The following PSMA1 variants were observed in gnomAD, a reference collection of about 807,000 sequenced individuals.
PSMA1 encodes proteasome subunit alpha type-1.
In PSMA1, 3 loss-of-function variants were observed where a neutral mutation model predicts 38.4. The observed-to-expected ratio is 0.08, with a 90% CI of 0.04 to 0.20. The LOEUF (loss-of-function observed/expected upper bound fraction) is 0.20. Among genes scored for constraint, PSMA1 ranks in the 10% least tolerant of loss-of-function variants. PSMA1 has a pLI of 1.00. For synonymous variants in PSMA1, 101 were observed against 107.1 expected (o/e 0.94, Z 0.35); for missense variants, 227 against 325.3 (o/e 0.70, Z 2.32).
intron 7 of PSMA1, among the ~76,000 whole-genome samples, chr11:14,512,659 A>G (rs912907041): frequency 6.6e-6 from 1 of 152,200 alleles, no homozygotes; most frequent in Non-Finnish European, 1.5e-5. Context: ...TATGGGAAGG[A>G]AAGAGCATAA....
intron 2 of PSMA1, among the ~76,000 whole-genome samples, chr11:14,571,900 A>G (rs911654075): frequency 1.6e-4 from 25 of 152,188 alleles, no homozygotes; most frequent in Non-Finnish European, 1.6e-4. Flanking sequence ...GCCAACAAAG[A>G]TCAAAAGAGA....
At chr11:14,541,628 A>G (rs894612913) in intron 2 of PSMA1, among the ~76,000 whole-genome samples, 2 of 152,188 alleles carry the variant, frequency 1.3e-5, no homozygotes, top group Non-Finnish European at 2.9e-5. Context: ...CACATTCTTG[A>G]TACCTTTTGG....
At chr11:14,564,374 A>G (rs1166267548) in intron 2 of PSMA1, among the ~76,000 whole-genome samples, 2 of 152,150 alleles carry the variant, frequency 1.3e-5, no homozygotes, top group Admixed American at 6.5e-5. Flanking sequence ...TGCATTGATA[A>G]TGTGTTCTTT....
intron 2 of PSMA1, among the ~76,000 whole-genome samples, chr11:14,527,850 G>A (rs1048911897): frequency 6.6e-6 from 1 of 152,092 alleles, no homozygotes; most frequent in African/African-American, 2.4e-5. Flanking sequence ...CTCTCTTTAA[G>A]TGGATAGAAG....
Position 14,638,506 on chromosome 11 carries a change from CCT to C in PSMA1, c.-166+4947_-166+4948del, listed in dbSNP as rs374243163. On this transcript the variant is annotated intron_variant, in intron 1 of 10. Transcript: ENST00000418988. The stretch of plus-strand genomic sequence containing the variant: ...TAAGTTGGCTTAGTGGAGAAACACA[CCT>C]CTCTCTCTCTCTCTCTCTCTCTCTC... Among the ~76,000 whole-genome samples the C allele has an allele frequency of 6.2e-3, 198 of 31,900 alleles. 3 individuals carry two copies. The highest frequency in any genetic ancestry group is 0.029 in the East Asian group (38 of 1,304). The allele number at this position is 31,900 out of a possible 152,430, so 20.9% of individuals were successfully genotyped here.
intron 2 of PSMA1, among the ~76,000 whole-genome samples, chr11:14,549,460 GGGAGGCCAAGGCA>G (rs1851862592): frequency 6.6e-6 from 1 of 151,970 alleles, no homozygotes; most frequent in South Asian, 2.1e-4. Flanking sequence ...CCAGCACTTT[GGGAGGCCAAGGCA>G]GGAGGATCAC....
At chr11:14,506,857 C>T (rs1258882465) in intron 9 of PSMA1, among the ~76,000 whole-genome samples, 1 of 152,122 alleles carries the variant, frequency 6.6e-6, no homozygotes, top group Non-Finnish European at 1.5e-5. Context: ...AAGAAGCGGC[C>T]CTGAAACTAC....
chr11:14,631,421 A>G (rs532066885), intron 1 of PSMA1, among the ~76,000 whole-genome samples: 3,376 of 151,214 alleles, frequency 0.022, 160 homozygotes, highest in African/African-American at 0.078. Flanking sequence ...ATTTTGTTAT[A>G]TACCCAGTAG....
At chr11:14,549,388 G>A (rs1284565896) in intron 2 of PSMA1, among the ~76,000 whole-genome samples, 1 of 152,068 alleles carries the variant, frequency 6.6e-6, no homozygotes, top group Non-Finnish European at 1.5e-5. Context: ...GTGATTTCCT[G>A]AAATGGAAAT....
intron 9 of PSMA1, among the ~76,000 whole-genome samples, chr11:14,505,565 C>T (rs574975779): frequency 1.8e-4 from 27 of 149,916 alleles, no homozygotes; most frequent in Admixed American, 2.6e-4. Context: ...TTTGCTTTTA[C>T]TCTAACATTG....
intron 1 of PSMA1, among the ~76,000 whole-genome samples, chr11:14,614,270 C>G (rs1443276411): frequency 6.6e-6 from 1 of 151,868 alleles, no homozygotes; most frequent in Non-Finnish European, 1.5e-5. Context: ...AAAACTCTCC[C>G]CTGGTAAGAA....
chr11:14,579,509 T>C (rs1473350), intron 2 of PSMA1, among the ~76,000 whole-genome samples: 65,757 of 124,518 alleles, frequency 0.53, 15,914 homozygotes, highest in African/African-American at 0.62. Context: ...TTTTTTTTTT[T>C]AAATAAGGTA....
At chr11:14,598,703 C>T (rs1390720944) in intron 2 of PSMA1, among the ~76,000 whole-genome samples, 2 of 148,354 alleles carry the variant, frequency 1.3e-5, no homozygotes, top group Non-Finnish European at 3.0e-5. Context: ...TCTAGTTTGC[C>T]AGTATGTGTC....
At position 14,536,253 on chromosome 11, in the gene PSMA1, G is replaced by A. The variant is rs1046401204; in HGVS notation, c.22-17212C>T. ...AAAATAAACCTCTCTTAGGCCGCGC[G>A]AGGTGGCTCACGCCTGTAATCCCAG... On this transcript the variant is annotated intron_variant, in intron 2 of 10. Transcript: ENST00000418988. Among the ~76,000 whole-genome samples the A allele has an allele frequency of 2.9e-4, 44 of 152,150 alleles. 1 individual carries two copies. Among genetic ancestry groups the A allele is most frequent in the South Asian group, 6.2e-4 (3 of 4,836 alleles).
intron 2 of PSMA1, among the ~76,000 whole-genome samples, chr11:14,593,334 G>A (rs953902802): frequency 3.3e-5 from 5 of 152,186 alleles, no homozygotes; most frequent in African/African-American, 9.7e-5. Flanking sequence ...CATCTACAAC[G>A]CTGCCCAAAT....
At chr11:14,520,195 C>T (rs1236177880) in intron 1 of PSMA1, 102 bp downstream of exon 1, 3 of 1,561,584 alleles carry the variant, frequency 1.9e-6, no homozygotes, top group African/African-American at 1.4e-5. Flanking sequence ...TCTCATACCT[C>T]GTGGCACCGG....
At chr11:14,549,806 A>T (rs909214212) in intron 2 of PSMA1, among the ~76,000 whole-genome samples, 2 of 152,044 alleles carry the variant, frequency 1.3e-5, no homozygotes, top group African/African-American at 2.4e-5. Flanking sequence ...TGAGTGTCAC[A>T]CAGTGTGCTC....
Position 14,634,698 on chromosome 11 carries a change from G to T in PSMA1, c.-166+8757C>A, listed in dbSNP as rs1853089573. On this transcript the variant is annotated intron_variant, in intron 1 of 10. Transcript: ENST00000418988. Reference sequence around the variant, plus strand: ...AAGAAGTAGTAGCTCATGTTTTAGGGGCTGGTAGTATACAAGAAAATTTGA... The same window carrying T: ...AAGAAGTAGTAGCTCATGTTTTAGGTGCTGGTAGTATACAAGAAAATTTGA... 2.0e-5 allele frequency among the ~76,000 whole-genome samples: 3 copies of T among 152,200 alleles called. No individual in the cohort carries two copies. The South Asian group carries it at 6.2e-4, about 32-fold the overall frequency.
chr11:14,617,353 A>G (rs1852787028), intron 1 of PSMA1, among the ~76,000 whole-genome samples: 1 of 152,212 alleles, frequency 6.6e-6, no homozygotes, highest in Non-Finnish European at 1.5e-5. Context: ...TATCAATGCT[A>G]CATTGTACTA....
Sources: gnomAD v4.1 joint callset for allele counts (sites outside exome capture counted in the v4.1 genomes callset) on GRCh38, gnomAD v4.1.1 for gene constraint, MANE v1.5 for transcripts, NCBI Gene and HGNC (gene_info 2026-07-23, HGNC 2026-07-21) for gene names.